SPATA33: variants seen among roughly 807,000 people sequenced by gnomAD.
SPATA33 encodes spermatogenesis associated 33, also known as spermatogenesis-associated protein 33.
In SPATA33, 10 loss-of-function variants were observed where a neutral mutation model predicts 8.9. The ratio of observed to expected loss-of-function variants is 1.12; its 90% CI spans 0.69 to 1.90. The LOEUF (loss-of-function observed/expected upper bound fraction) is 1.90. SPATA33 is among the 40% of genes most tolerant of loss of function. The probability of loss-of-function intolerance (pLI) is 0.00; values close to 1 mark genes in which losing one functional copy is unlikely to be tolerated. For synonymous variants in SPATA33, 96 were observed against 72.8 expected (o/e 1.32, Z -1.63); for missense variants, 241 against 178.3 (o/e 1.35, Z -2.00).
intron 1 of SPATA33, 49 bp downstream of exon 1, chr16:89,657,997 C>T (rs1568008365): frequency 4.0e-6 from 6 of 1,502,296 alleles, no homozygotes; most frequent in Non-Finnish European, 4.4e-6. Context: ...CCCCTGGGCG[C>T]GGGCCCAGGG....
chr16:89,669,266 C>T lies in SPATA33; in HGVS notation c.212-20C>T, dbSNP rs1261891728. 3.4e-5 allele frequency: 55 copies of T among 1,611,418 alleles called. No homozygotes were observed. Among genetic ancestry groups the T allele is most frequent in the Non-Finnish European group, 4.6e-5 (54 of 1,177,678 alleles). On this transcript the variant is annotated intron_variant, in intron 2 of 2. Coordinates refer to ENST00000579310, the MANE Select transcript of SPATA33 (RefSeq NM_001271907.2). ...AGCTTTCCACACATCTACTAAATGC[C>T]TGGATGTTTTTTCCTCTAGAGAAAC... is the stretch of plus-strand genomic sequence containing the variant.
At chr16:89,658,079 C>G (rs553132334) in intron 1 of SPATA33, 131 bp downstream of exon 1, 2 of 1,476,296 alleles carry the variant, frequency 1.4e-6, no homozygotes, top group African/African-American at 2.8e-5. Context: ...TTCCTGCCGC[C>G]GAGTCCGCCA....
chr16:89,666,525 T>C (rs2060027576), intron 2 of SPATA33, among the ~76,000 whole-genome samples: 1 of 152,054 alleles, frequency 6.6e-6, no homozygotes, highest in South Asian at 2.1e-4. Context: ...TAGGTGGGTG[T>C]GGTGGTGTGT....
Position 89,668,613 on chromosome 16 carries a change from C to G in SPATA33, c.212-673C>G, listed in dbSNP as rs369060435. ...TGCCCGAGCTCGTAGCAGTGGCACT[C>G]CAGGAAGGGGGCGGGCGGCTGTGTC... On this transcript the variant is annotated intron_variant, in intron 2 of 2. Coordinates refer to ENST00000579310, the MANE Select transcript of SPATA33 (RefSeq NM_001271907.2). Among the ~76,000 whole-genome samples the G allele has an allele frequency of 2.9e-3, 447 of 152,096 alleles. 2 individuals are homozygous for G. Among genetic ancestry groups the G allele is most frequent in the African/African-American group, 0.01 (429 of 41,486 alleles).
At chr16:89,663,759 TAC>T (rs1208312992) in intron 2 of SPATA33, among the ~76,000 whole-genome samples, 1 of 152,124 alleles carries the variant, frequency 6.6e-6, no homozygotes, top group African/African-American at 2.4e-5. Context: ...GGCGTAGCTG[TAC>T]ATACACTCAT....
chr16:89,661,042 C>T (rs1008356779), intron 2 of SPATA33: 10 of 988,314 alleles, frequency 1.0e-5, no homozygotes, highest in African/African-American at 1.7e-5. Context: ...TGATACCTGT[C>T]CTGCCAAACG....
chr16:89,664,353 C>CT (rs10665200), intron 2 of SPATA33, among the ~76,000 whole-genome samples: 1 of 152,114 alleles, frequency 6.6e-6, no homozygotes, highest in African/African-American at 2.4e-5. Context: ...TGGCAGGACT[C>CT]AAGACAGCCC....
At chr16:89,666,622 A>G (rs1055747282) in intron 2 of SPATA33, among the ~76,000 whole-genome samples, 1 of 152,170 alleles carries the variant, frequency 6.6e-6, no homozygotes, top group Non-Finnish European at 1.5e-5. Context: ...GCAAAGAGAT[A>G]AAAGACAGCT....
chr16:89,661,242 A>G (rs982560061), intron 2 of SPATA33: 1 of 975,258 alleles, frequency 1.0e-6, no homozygotes, highest in Non-Finnish European at 1.2e-6. Flanking sequence ...CCCAAATCTC[A>G]TTTTGAATTC....
chr16:89,664,524 C>G (rs1255223496), intron 2 of SPATA33, among the ~76,000 whole-genome samples: 1 of 152,080 alleles, frequency 6.6e-6, no homozygotes, highest in African/African-American at 2.4e-5. Flanking sequence ...CCGACCTGAT[C>G]AGGGAAGCCA....
intron 2 of SPATA33, among the ~76,000 whole-genome samples, chr16:89,667,685 G>T (rs460319): frequency 0.83 from 126,104 of 151,840 alleles, 52,742 homozygotes; most frequent in Non-Finnish European, 0.89. Flanking sequence ...AAGGGATATC[G>T]CTCAGTGCTT....
intron 2 of SPATA33, among the ~76,000 whole-genome samples, chr16:89,662,990 C>T (rs2059982804): frequency 6.6e-6 from 1 of 151,518 alleles, no homozygotes; most frequent in African/African-American, 2.4e-5. Context: ...GACGGGGTTT[C>T]ACCATGTTGG....
intron 2 of SPATA33, among the ~76,000 whole-genome samples, chr16:89,668,637 T>C (rs1350270679): frequency 7.3e-6 from 1 of 136,514 alleles, no homozygotes; most frequent in African/African-American, 2.8e-5. Flanking sequence ...GGCGGCTGTG[T>C]CTGAGCTCGT....
chr16:89,665,698 C>A (rs1186959238), intron 2 of SPATA33, among the ~76,000 whole-genome samples: 1 of 152,122 alleles, frequency 6.6e-6, no homozygotes, highest in Non-Finnish European at 1.5e-5. Context: ...AGTGTAAATA[C>A]GTTAACTTCT....
rs2060068857 is a variant in SPATA33 at position 89,669,405 on chromosome 16, A to G, written c.331A>G (p.Arg111Gly). 1 of 1,614,076 alleles carries G rather than the reference A, an allele frequency of 6.2e-7. No individual in the cohort carries two copies. The highest frequency in any genetic ancestry group is 2.2e-5 in the East Asian group (1 of 44,900). The change falls in exon 3 of 3, where the codon AGA (arginine) becomes GGA (glycine). Residue 111 changes from arginine (R) to glycine (G), a missense_variant. By Grantham distance (125) the Arg-to-Gly change is moderately radical. Transcript: ENST00000579310. ...SCSSSGSDQQRTIREPEDWGP... is the reference protein window; with the variant it reads ...SCSSSGSDQQGTIREPEDWGP... ...CAGTTCCAGCGGGAGTGACCAGCAG[A>G]GAACCATTCGGGAGCCGGAGGACTG...
rs1176719569 is a variant in SPATA33, at chr16:89,669,489, A to G, written c.415A>G (p.Lys139Glu). The part of the protein sequence containing the change: ...STADAYNSHL[K>E]E ...AGCAGACGCCTATAATTCACATCTC[A>G]AAGAATAAACAAGCACCTTTGCATG... The change falls in exon 3 of 3, where the codon AAA becomes GAA. Residue 139 changes from lysine to glutamate, a missense_variant. Transcript: ENST00000579310. 6.2e-7 allele frequency: 1 copy of G among 1,610,088 alleles called. No individual in the cohort carries two copies.
intron 2 of SPATA33, among the ~76,000 whole-genome samples, chr16:89,666,554 G>T (rs1195743503): frequency 6.6e-6 from 1 of 152,120 alleles, no homozygotes; most frequent in Non-Finnish European, 1.5e-5. Context: ...GCCCCACAGG[G>T]TCGGTGGGTT....
At chr16:89,666,123 C>G (rs1006144122) in intron 2 of SPATA33, among the ~76,000 whole-genome samples, 1 of 151,972 alleles carries the variant, frequency 6.6e-6, no homozygotes. Flanking sequence ...TAGGAAACAT[C>G]TGGAAAACCA....
intron 2 of SPATA33, among the ~76,000 whole-genome samples, chr16:89,662,263 C>T (rs557256344): frequency 1.3e-5 from 2 of 149,626 alleles, no homozygotes; most frequent in South Asian, 2.1e-4. Flanking sequence ...CACTGCACTC[C>T]AGCCTGGGCA....
Sources: allele counts gnomAD v4.1 joint callset (sites outside exome capture counted in the v4.1 genomes callset), GRCh38; gene constraint gnomAD v4.1.1; transcripts MANE v1.5; gene names NCBI Gene and HGNC (gene_info 2026-07-23, HGNC 2026-07-21).